FRMPD4: variants seen among roughly 807,000 people sequenced by gnomAD.
The protein encoded by FRMPD4 is FERM and PDZ domain containing 4.
Under a neutral mutation model 94.1 loss-of-function variants are expected in FRMPD4, and 22 were observed. The observed-to-expected ratio is 0.23, with a 90% CI of 0.17 to 0.33. The LOEUF is 0.33. FRMPD4 is among the 10% of genes least tolerant of loss of function. The pLI, the probability that FRMPD4 is intolerant of heterozygous loss-of-function variation, is 1.00. For synonymous variants in FRMPD4, 631 were observed against 548.6 expected (o/e 1.15, Z -2.10); for missense variants, 1,111 against 1,339.9 (o/e 0.83, Z 2.67).
At chrX:12,463,144 C>A (rs1027621125) in intron 1 of FRMPD4, among the ~76,000 whole-genome samples, 2 of 111,892 alleles carry the variant, frequency 1.8e-5, no homozygotes, top group Admixed American at 9.4e-5. Flanking sequence ...AAAAGGAATT[C>A]TTTCTACAAA....
At chrX:12,273,105 G>A (rs1481671959) in intron 1 of FRMPD4, among the ~76,000 whole-genome samples, 1 of 110,152 alleles carries the variant, frequency 9.1e-6, no homozygotes, top group Non-Finnish European at 1.9e-5. Flanking sequence ...AAAAATAACT[G>A]TCACTTTAGT....
In FRMPD4 at chrX:12,158,436, A is replaced by G. The variant is rs775575338; in HGVS notation, c.41+19424A>G. Reference sequence around the variant, plus strand: ...GTTCGGTGATGCATAATATTCATGTAAAAAATCATAGATGTAGACTCAATG... The same window carrying G: ...GTTCGGTGATGCATAATATTCATGTGAAAAATCATAGATGTAGACTCAATG... On this transcript the variant is annotated intron_variant, in intron 1 of 16. Transcript: ENST00000675598. Among the ~76,000 whole-genome samples the G allele has an allele frequency of 2.7e-4, 30 of 111,993 alleles. No homozygotes were observed. The Admixed American group carries it at 2.8e-3, about 10-fold the overall frequency.
At chrX:12,306,784 G>A (rs1165214745) in intron 1 of FRMPD4, among the ~76,000 whole-genome samples, 1 of 112,369 alleles carries the variant, frequency 8.9e-6, no homozygotes, top group Non-Finnish European at 1.9e-5. Context: ...AAGTCACTGG[G>A]ATTAGCACTA....
At chrX:12,155,781 A>G (rs1484003305) in intron 1 of FRMPD4, among the ~76,000 whole-genome samples, 1 of 111,024 alleles carries the variant, frequency 9.0e-6, no homozygotes, top group Admixed American at 9.6e-5. Flanking sequence ...AGGAATTGAC[A>G]TGGCTAGTTT....
intron 1 of FRMPD4, among the ~76,000 whole-genome samples, chrX:12,409,239 A>T: frequency 8.9e-6 from 1 of 111,771 alleles, no homozygotes; most frequent in Non-Finnish European, 1.9e-5. Context: ...TGATTTTACC[A>T]TCTTTGTGGA....
intron 2 of FRMPD4, among the ~76,000 whole-genome samples, chrX:12,578,646 C>A (rs1191409225): frequency 8.9e-6 from 1 of 111,803 alleles, no homozygotes; most frequent in Non-Finnish European, 1.9e-5. Flanking sequence ...GCAAAAGAAG[C>A]CTTTTTAAGT....
intron 1 of FRMPD4, among the ~76,000 whole-genome samples, chrX:12,358,378 T>C (rs150724645): frequency 1.8e-5 from 2 of 111,499 alleles, no homozygotes; most frequent in East Asian, 5.6e-4. Context: ...CTTGGATGCT[T>C]AAGTTAAAGG....
At chrX:12,566,492 G>A (rs1446393142) in intron 2 of FRMPD4, among the ~76,000 whole-genome samples, 1 of 111,595 alleles carries the variant, frequency 9.0e-6, no homozygotes, top group Non-Finnish European at 1.9e-5. Flanking sequence ...TCACTTCATA[G>A]CATCACAATA....
At chrX:12,114,069 A>G (rs1445055864) in intron 3 of FRMPD4, among the ~76,000 whole-genome samples, 1 of 111,484 alleles carries the variant, frequency 9.0e-6, no homozygotes, top group African/African-American at 3.3e-5. Flanking sequence ...CTCTTCTTTT[A>G]TGCTACCAAC....
chrX:12,294,853 G>C, intron 1 of FRMPD4, among the ~76,000 whole-genome samples: 1 of 112,065 alleles, frequency 8.9e-6, no homozygotes, highest in Middle Eastern at 4.6e-3. Context: ...AATGCTGTGA[G>C]AATGAGATTT....
intron 1 of FRMPD4, among the ~76,000 whole-genome samples, chrX:12,345,555 T>C (rs914290599): frequency 1.8e-5 from 2 of 111,521 alleles, no homozygotes; most frequent in African/African-American, 3.3e-5. Flanking sequence ...GCTTGGAGAA[T>C]TGGGGAACCT....
At chrX:12,495,203 G>T (rs909110797) in intron 1 of FRMPD4, 1 of 117,548 alleles carries the variant, frequency 8.5e-6, no homozygotes, top group Non-Finnish European at 1.7e-5. Context: ...AAGAATAGAT[G>T]ACCAAGCCTT....
chrX:12,635,322 G>A (rs2059433652), intron 4 of FRMPD4, among the ~76,000 whole-genome samples: 1 of 111,722 alleles, frequency 9.0e-6, no homozygotes, highest in African/African-American at 3.3e-5. Context: ...AAGGGAAGTG[G>A]GGTGTTGAGG....
intron 2 of FRMPD4, among the ~76,000 whole-genome samples, chrX:12,530,321 C>T (rs991056137): frequency 9.0e-6 from 1 of 111,477 alleles, no homozygotes; most frequent in African/African-American, 3.3e-5. Context: ...ATTATCATGG[C>T]AGGCAGTAAA....
At chrX:12,201,504 T>C (rs2056630322) in intron 1 of FRMPD4, among the ~76,000 whole-genome samples, 1 of 112,167 alleles carries the variant, frequency 8.9e-6, no homozygotes. Context: ...AATTGATTGC[T>C]TGGTGTTCAG....
intron 1 of FRMPD4, among the ~76,000 whole-genome samples, chrX:11,861,816 T>C (rs1339178768): frequency 1.8e-5 from 2 of 111,662 alleles, no homozygotes; most frequent in African/African-American, 3.3e-5. Flanking sequence ...TATTAGTCTG[T>C]TCTTGCATTG....
chrX:12,078,274 C>T (rs746796147), intron 3 of FRMPD4, among the ~76,000 whole-genome samples: 21 of 112,240 alleles, frequency 1.9e-4, no homozygotes, highest in African/African-American at 6.8e-4. Context: ...TGTTTTAAGG[C>T]GAAGTCTTAT....
chrX:12,560,397 C>T (rs2058640301), intron 2 of FRMPD4, among the ~76,000 whole-genome samples: 1 of 105,489 alleles, frequency 9.5e-6, no homozygotes, highest in African/African-American at 3.4e-5. Flanking sequence ...TAGGTATTGG[C>T]TAGACTTTAC....
chrX:12,315,324 A>T (rs1352700063), intron 1 of FRMPD4, among the ~76,000 whole-genome samples: 4 of 112,595 alleles, frequency 3.6e-5, no homozygotes, highest in African/African-American at 1.3e-4. Flanking sequence ...TTCTTTTCAT[A>T]AAAATAGTAT....
Sources: allele counts gnomAD v4.1 joint callset (sites outside exome capture counted in the v4.1 genomes callset), GRCh38; gene constraint gnomAD v4.1.1; transcripts MANE v1.5; gene names NCBI Gene and HGNC (gene_info 2026-07-23, HGNC 2026-07-21).